The following DZIP1L variants were observed in gnomAD, a reference collection of about 807,000 sequenced individuals.
DZIP1L encodes the protein DAZ interacting zinc finger protein 1 like.
In DZIP1L, 90 loss-of-function variants were observed where a neutral mutation model predicts 88.7. That is an observed-to-expected ratio of 1.02 (90% CI 0.86 to 1.21). The LOEUF (loss-of-function observed/expected upper bound fraction) is 1.21, where lower values mean the gene tolerates loss of function less well. DZIP1L is among the 50% of genes most tolerant of loss of function. The pLI, the probability that DZIP1L is intolerant of heterozygous loss-of-function variation, is 0.00. For synonymous variants in DZIP1L, 363 were observed against 372.1 expected (o/e 0.98, Z 0.28); for missense variants, 932 against 955.8 (o/e 0.98, Z 0.33).
At position 138,084,095 on chromosome 3, in the gene DZIP1L, A is replaced by G; in HGVS notation, c.1203+18T>C. On this transcript the variant is annotated intron_variant, in intron 8 of 15. Transcript: ENST00000327532. ...CCCAGGGACACCAAGGCCTGGCTGA[A>G]AGGAAGGGCAGACCTACCATCTCCT... 6.2e-7 allele frequency: 1 copy of G among 1,611,824 alleles called. No individual in the cohort carries two copies. The highest frequency in any genetic ancestry group is 8.5e-7 in the Non-Finnish European group (1 of 1,178,886).
intron 15 of DZIP1L, chr3:138,064,421 G>A: frequency 6.6e-7 from 1 of 1,507,402 alleles, no homozygotes; most frequent in Non-Finnish European, 8.8e-7. Flanking sequence ...TGAACCAAAA[G>A]GCTTTTTAAT....
intron 12 of DZIP1L, among the ~76,000 whole-genome samples, chr3:138,070,128 C>G (rs1283838123): frequency 6.6e-6 from 1 of 152,096 alleles, no homozygotes; most frequent in African/African-American, 2.4e-5. Context: ...TTCATCCTCC[C>G]CAAGTCCCTG....
At chr3:138,087,166 T>A (rs749356819) in intron 6 of DZIP1L, 143 bp from the exon 7 acceptor site, 3 of 692,612 alleles carry the variant, frequency 4.3e-6, no homozygotes, top group Non-Finnish European at 7.2e-6. Flanking sequence ...AAGATGGAAA[T>A]ACATAGAAAC....
intron 12 of DZIP1L, 60 bp from the exon 13 acceptor site, chr3:138,068,427 A>T: frequency 3.0e-6 from 4 of 1,341,980 alleles, no homozygotes; most frequent in Non-Finnish European, 4.0e-6. Context: ...CAAGCCTAAG[A>T]GGAGGGAGAA....
chr3:138,074,042 T>C (rs1943292383), intron 11 of DZIP1L, among the ~76,000 whole-genome samples: 1 of 152,106 alleles, frequency 6.6e-6, no homozygotes, highest in Non-Finnish European at 1.5e-5. Context: ...GAACAAAGTC[T>C]CCAAGAAGCT....
intron 2 of DZIP1L, among the ~76,000 whole-genome samples, chr3:138,101,194 C>T (rs982660263): frequency 3.3e-4 from 50 of 151,964 alleles, no homozygotes; most frequent in Non-Finnish European, 2.6e-4. Flanking sequence ...CACATATATA[C>T]CCTTCATTCA....
chr3:138,068,259 T>G lies in DZIP1L; in HGVS notation c.1724A>C (p.Gln575Pro), dbSNP rs1943007638. The change falls in exon 13 of 16, where the codon CAG becomes CCG. Residue 575 changes from glutamine (Q) to proline (P), a missense_variant. Gln to Pro is a moderately conservative substitution (Grantham distance 76, BLOSUM62 -1). Coordinates refer to ENST00000327532, the MANE Select transcript of DZIP1L (RefSeq NM_173543.3). ...GCTGGAGCCATGGCTGCCATGGCTC[T>G]GACGAGTTGGTGGGGGTGGCTCTGC... is the stretch of plus-strand genomic sequence containing the variant. ...TPAEPPPPTR[Q>P]SHGSHGSSLT... The G allele has an allele frequency of 1.3e-6, 2 of 1,597,052 alleles. No individual in the cohort carries two copies. Among genetic ancestry groups the G allele is most frequent in the Admixed American group, 3.5e-5 (2 of 57,724 alleles).
intron 2 of DZIP1L, chr3:138,101,530 T>C: frequency 1.3e-6 from 1 of 795,366 alleles, no homozygotes; most frequent in Non-Finnish European, 2.2e-6. Context: ...ATCGCAAGTC[T>C]CTATCTTCTT....
chr3:138,097,843 T>C lies in DZIP1L; in HGVS notation c.506A>G (p.His169Arg), dbSNP rs1305512591. The change falls in exon 3 of 16, where the codon CAC becomes CGC. Residue 169 changes from histidine to arginine, a missense_variant. His to Arg is a conservative substitution (Grantham distance 29). Coordinates refer to ENST00000327532, the MANE Select transcript of DZIP1L (RefSeq NM_173543.3). ...ATTCATGAATGTCTTGTCACACAGG[T>C]GGCACTATACAGAGAGGAAGCAATG... ...QTGTHSYHTC[H>R]LCDKTFMNAT... 3 of 1,611,680 alleles carry C rather than the reference T, an allele frequency of 1.9e-6. No individual in the cohort carries two copies. The highest frequency in any genetic ancestry group is 2.5e-6 in the Non-Finnish European group (3 of 1,178,920).
intron 11 of DZIP1L, among the ~76,000 whole-genome samples, chr3:138,076,768 G>A (rs1341789834): frequency 2.6e-5 from 4 of 152,018 alleles, no homozygotes; most frequent in Non-Finnish European, 4.4e-5. Context: ...AAGGGCATGG[G>A]GGTGGAGAGG....
chr3:138,090,751 G>A (rs1247487271), intron 5 of DZIP1L, among the ~76,000 whole-genome samples: 1 of 152,100 alleles, frequency 6.6e-6, no homozygotes, highest in Non-Finnish European at 1.5e-5. Context: ...AACGCTATTA[G>A]ACAGTTCATT....
At chr3:138,110,008 GCA>G (rs2107871234) in intron 1 of DZIP1L, among the ~76,000 whole-genome samples, 1 of 152,224 alleles carries the variant, frequency 6.6e-6, no homozygotes, top group South Asian at 2.1e-4. Flanking sequence ...CATAGGTGCA[GCA>G]AAACACCATG....
intron 2 of DZIP1L, chr3:138,102,164 A>T: frequency 7.3e-7 from 1 of 1,375,776 alleles, no homozygotes; most frequent in Non-Finnish European, 1.0e-6. Context: ...CCAGGGAGTG[A>T]CTGTTGTCCA....
At chr3:138,071,982 A>C in intron 11 of DZIP1L, 147 bp from the exon 12 acceptor site, 1 of 797,050 alleles carries the variant, frequency 1.3e-6, no homozygotes, top group Non-Finnish European at 1.9e-6. Flanking sequence ...TGAAATGAGG[A>C]TCAGAGAAGG....
chr3:138,075,908 G>A (rs1054925967), intron 11 of DZIP1L, among the ~76,000 whole-genome samples: 4 of 152,058 alleles, frequency 2.6e-5, no homozygotes, highest in African/African-American at 7.2e-5. Context: ...GCAGTGAGCC[G>A]AGATCGCACC....
chr3:138,069,320 T>C (rs77604935), intron 12 of DZIP1L, among the ~76,000 whole-genome samples: 1,902 of 152,348 alleles, frequency 0.012, 45 homozygotes, highest in African/African-American at 0.043. Flanking sequence ...ATAATTCATA[T>C]AACATACAAA....
rs1210719458 is a variant in DZIP1L at position 138,078,356 on chromosome 3, G to A, written c.1289-724C>T. 6.6e-5 allele frequency among the ~76,000 whole-genome samples: 10 copies of A among 152,092 alleles called. 1 individual carries two copies. In the East Asian group the frequency reaches 1.9e-3, roughly 29 times the overall value. On this transcript the variant is annotated intron_variant, in intron 10 of 15. Coordinates refer to ENST00000327532, the MANE Select transcript of DZIP1L (RefSeq NM_173543.3). ...GCATGAGTGTAATCAGGCTAGGGCT[G>A]GATGCCAAGGACACAGAAGCCCATC...
intron 4 of DZIP1L, among the ~76,000 whole-genome samples, chr3:138,093,838 G>T (rs956110360): frequency 6.6e-6 from 1 of 152,194 alleles, no homozygotes; most frequent in Admixed American, 6.5e-5. Context: ...TTGGCTTAAG[G>T]GAATTTTGTG....
intron 10 of DZIP1L, among the ~76,000 whole-genome samples, chr3:138,079,135 G>A (rs1347606285): frequency 6.6e-6 from 1 of 152,200 alleles, no homozygotes; most frequent in African/African-American, 2.4e-5. Context: ...GACAGGAAGA[G>A]GTAGACAAAC....
Sources: gnomAD v4.1 joint callset for allele counts (sites outside exome capture counted in the v4.1 genomes callset) on GRCh38, gnomAD v4.1.1 for gene constraint, MANE v1.5 for transcripts, NCBI Gene and HGNC (gene_info 2026-07-23, HGNC 2026-07-21) for gene names.